PRKAR1B: variants seen among roughly 807,000 people sequenced by gnomAD.
PRKAR1B encodes the protein protein kinase cAMP-dependent type I regulatory subunit beta, also known as cAMP-dependent protein kinase type I-beta regulatory subunit.
In PRKAR1B, 22 loss-of-function variants were observed where a neutral mutation model predicts 46.5. That is an observed-to-expected ratio of 0.47 (90% CI 0.34 to 0.68). The LOEUF is 0.68. PRKAR1B is among the 30% of genes least tolerant of loss of function. The pLI, the probability that PRKAR1B is intolerant of heterozygous loss-of-function variation, is 0.01. For synonymous variants in PRKAR1B, 259 were observed against 217.7 expected (o/e 1.19, Z -1.67); for missense variants, 445 against 535.6 (o/e 0.83, Z 1.67).
At chr7:715,094 G>A (rs1290697058) in intron 1 of PRKAR1B, among the ~76,000 whole-genome samples, 1 of 152,170 alleles carries the variant, frequency 6.6e-6, no homozygotes, top group Non-Finnish European at 1.5e-5. Flanking sequence ...GCTGAAGCAG[G>A]AGAATCACTT....
chr7:607,580 G>A (rs954388537), intron 4 of PRKAR1B, 128 bp from the exon 5 acceptor site: 2 of 835,240 alleles, frequency 2.4e-6, no homozygotes, highest in Admixed American at 2.3e-5. Context: ...AAATCCATGA[G>A]AGTTCAAAGA....
chr7:621,698 C>A (rs1783115684), intron 4 of PRKAR1B, among the ~76,000 whole-genome samples: 2 of 152,202 alleles, frequency 1.3e-5, no homozygotes, highest in South Asian at 4.1e-4. Context: ...TGCTTCCTGG[C>A]CATCACCTCA....
At chr7:576,206 C>T (rs111243909) in intron 9 of PRKAR1B, among the ~76,000 whole-genome samples, 12 of 140,082 alleles carry the variant, frequency 8.6e-5, no homozygotes, top group Admixed American at 3.5e-4. Context: ...CATGGGCAGG[C>T]GTGCACGCTG....
In PRKAR1B at chr7:596,352, C is replaced by T. The variant is rs370967266; in HGVS notation, c.550-48G>A. Reference sequence around the variant, plus strand: ...GTGTCACGGGGGCCAGGCAGGGTGACCTCCTCTGCATCCCATACAGAAAGT... The same window carrying T: ...GTGTCACGGGGGCCAGGCAGGGTGATCTCCTCTGCATCCCATACAGAAAGT... On this transcript the variant is annotated intron_variant, in intron 6 of 10. Coordinates refer to ENST00000537384, the MANE Select transcript of PRKAR1B (RefSeq NM_001164760.2). The T allele has an allele frequency of 5.7e-6, 9 of 1,573,878 alleles. No individual in the cohort carries two copies. In the African/African-American group the frequency reaches 1.1e-4, roughly 19 times the overall value.
At chr7:622,702 T>C (rs1320934968) in intron 4 of PRKAR1B, among the ~76,000 whole-genome samples, 1 of 152,104 alleles carries the variant, frequency 6.6e-6, no homozygotes, top group East Asian at 1.9e-4. Context: ...CTGCAGAGAA[T>C]GTGCATATGT....
At chr7:720,117 C>T (rs1335251428) in intron 1 of PRKAR1B, among the ~76,000 whole-genome samples, 1 of 137,458 alleles carries the variant, frequency 7.3e-6, no homozygotes, top group African/African-American at 2.8e-5. Flanking sequence ...AGTGCAGTGG[C>T]ACAATCTTGG....
rs113779338 is a variant in PRKAR1B at position 591,769 on chromosome 7, A to G, written c.708+4377T>C. Among the ~76,000 whole-genome samples the G allele has an allele frequency of 1.8e-3, 273 of 152,266 alleles. 2 individuals carry two copies. Among genetic ancestry groups the G allele is most frequent in the African/African-American group, 6.1e-3 (254 of 41,558 alleles). On this transcript the variant is annotated intron_variant, in intron 7 of 10. Transcript: ENST00000537384. ...GACGCACTGTCAGTGGGGTGAAATG[A>G]CTGGTGATGCCTGACCCTCCCCACA... is the stretch of plus-strand genomic sequence containing the variant.
At chr7:589,282 C>T (rs1038445520) in intron 7 of PRKAR1B, among the ~76,000 whole-genome samples, 13 of 151,946 alleles carry the variant, frequency 8.6e-5, no homozygotes, top group South Asian at 2.1e-4. Context: ...TCCTCACCAC[C>T]GCTCCACGGG....
chr7:717,529 A>T (rs911600396), intron 1 of PRKAR1B, among the ~76,000 whole-genome samples: 3 of 151,462 alleles, frequency 2.0e-5, no homozygotes, highest in Non-Finnish European at 4.4e-5. Context: ...ATGGTGGTGC[A>T]CACCTGTAGT....
chr7:685,302 A>ATG (rs1562615656), intron 2 of PRKAR1B, among the ~76,000 whole-genome samples: 5 of 15,798 alleles, frequency 3.2e-4, no homozygotes, highest in African/African-American at 8.1e-4. Context: ...ATACATATAT[A>ATG]TATACGTATA....
chr7:561,504 T>C (rs1420024210), intron 9 of PRKAR1B, among the ~76,000 whole-genome samples: 1 of 152,180 alleles, frequency 6.6e-6, no homozygotes, highest in Non-Finnish European at 1.5e-5. Context: ...CTCGGAGCGC[T>C]CCTGAGCTGC....
chr7:620,497 C>CT lies in PRKAR1B; in HGVS notation c.441-13046dup, dbSNP rs906691614. ...CTGCACCCACCCAGCCCCTTGGGCTCTTTTTTTTCTCTCTTTCTTTCTGTT... is the reference window on the plus strand; with the variant it reads ...CTGCACCCACCCAGCCCCTTGGGCTCTTTTTTTTTCTCTCTTTCTTTCTGTT... On this transcript the variant is annotated intron_variant, in intron 4 of 10. Transcript: ENST00000537384. Among the ~76,000 whole-genome samples, 8 of 152,044 alleles carry CT rather than the reference C, an allele frequency of 5.3e-5. No homozygotes were observed. The East Asian group carries it at 5.8e-4, about 11-fold the overall frequency.
chr7:606,130 CAA>C, intron 6 of PRKAR1B, 61 bp downstream of exon 6: 2 of 1,547,286 alleles, frequency 1.3e-6, no homozygotes, highest in Non-Finnish European at 1.8e-6. Flanking sequence ...GCCTGGAGGG[CAA>C]GTCTTCACAC....
intron 4 of PRKAR1B, among the ~76,000 whole-genome samples, chr7:621,042 C>T (rs935933214): frequency 1.3e-5 from 2 of 152,262 alleles, no homozygotes; most frequent in Non-Finnish European, 2.9e-5. Context: ...TGCTCTTTCT[C>T]TACAATCTAC....
At chr7:706,822 A>T (rs1780357021) in intron 2 of PRKAR1B, among the ~76,000 whole-genome samples, 1 of 152,080 alleles carries the variant, frequency 6.6e-6, no homozygotes, top group Non-Finnish European at 1.5e-5. Context: ...GCACTCCAAG[A>T]GCTGGGCCAT....
chr7:678,090 G>A (rs1368767115), intron 3 of PRKAR1B, among the ~76,000 whole-genome samples: 1 of 152,162 alleles, frequency 6.6e-6, no homozygotes, highest in East Asian at 1.9e-4. Context: ...GCCCAACATG[G>A]TGAAACCCCA....
chr7:642,628 G>C (rs1346324044), intron 4 of PRKAR1B, among the ~76,000 whole-genome samples: 1 of 151,242 alleles, frequency 6.6e-6, no homozygotes, highest in Non-Finnish European at 1.5e-5. Context: ...GGGAGGCTGA[G>C]GCAGGAGAAT....
chr7:552,605 A>G (rs1784314970), intron 9 of PRKAR1B, among the ~76,000 whole-genome samples: 1 of 152,148 alleles, frequency 6.6e-6, no homozygotes. Flanking sequence ...GGACCTGCCC[A>G]GAGACCACCG....
At chr7:581,888 T>C (rs1346198519) in intron 8 of PRKAR1B, among the ~76,000 whole-genome samples, 1 of 152,144 alleles carries the variant, frequency 6.6e-6, no homozygotes, top group Non-Finnish European at 1.5e-5. Flanking sequence ...GCTAACTTTT[T>C]AAAAATTTTT....
Sources: gnomAD v4.1 joint callset for allele counts (sites outside exome capture counted in the v4.1 genomes callset) on GRCh38, gnomAD v4.1.1 for gene constraint, MANE v1.5 for transcripts, NCBI Gene and HGNC (gene_info 2026-07-23, HGNC 2026-07-21) for gene names.